NXPH1: variants seen among roughly 807,000 people sequenced by gnomAD.
NXPH1 encodes the protein neurexophilin-1.
Under a neutral mutation model 23.7 loss-of-function variants are expected in NXPH1, and 5 were observed. That is an observed-to-expected ratio of 0.21 (90% CI 0.11 to 0.44). The LOEUF (loss-of-function observed/expected upper bound fraction) is 0.44, where lower values mean the gene tolerates loss of function less well. NXPH1 is among the 20% of genes least tolerant of loss of function. The probability of loss-of-function intolerance (pLI) is 0.99; values close to 1 mark genes in which losing one functional copy is unlikely to be tolerated. For synonymous variants in NXPH1, 144 were observed against 122.2 expected, an observed-to-expected ratio of 1.18 and a Z score of -1.18; for missense variants, 324 against 321.6, an observed-to-expected ratio of 1.01 and a Z score of -0.06.
intron 2 of NXPH1, among the ~76,000 whole-genome samples, chr7:8,536,222 T>C (rs1194961803): frequency 6.6e-6 from 1 of 152,022 alleles, no homozygotes; most frequent in African/African-American, 2.4e-5. Context: ...TATCTCCTAG[T>C]TGGGGAATTG....
chr7:8,495,523 A>T (rs754392144), intron 2 of NXPH1, among the ~76,000 whole-genome samples: 32 of 152,038 alleles, frequency 2.1e-4, no homozygotes, highest in Non-Finnish European at 4.1e-4. Flanking sequence ...TTGACTTCAT[A>T]GAGAATATGA....
At chr7:8,662,083 A>T (rs1203554520) in intron 2 of NXPH1, among the ~76,000 whole-genome samples, 1 of 151,920 alleles carries the variant, frequency 6.6e-6, no homozygotes, top group Non-Finnish European at 1.5e-5. Flanking sequence ...GTTGCTCAGG[A>T]GCTTGAAAAT....
At chr7:8,736,120 C>A (rs1055250300) in intron 2 of NXPH1, among the ~76,000 whole-genome samples, 2 of 152,098 alleles carry the variant, frequency 1.3e-5, no homozygotes, top group African/African-American at 4.8e-5. Flanking sequence ...TTTTGTGTCT[C>A]TATCTCCTTC....
chr7:8,731,044 T>C (rs1267359337), intron 2 of NXPH1, among the ~76,000 whole-genome samples: 1 of 145,302 alleles, frequency 6.9e-6, no homozygotes, highest in Non-Finnish European at 1.5e-5. Flanking sequence ...TCTTTTCTTT[T>C]TATTGTTTTT....
intron 2 of NXPH1, among the ~76,000 whole-genome samples, chr7:8,726,285 T>A (rs868704651): frequency 6.6e-5 from 10 of 152,088 alleles, no homozygotes; most frequent in Admixed American, 2.0e-4. Flanking sequence ...TTTTCTTTTT[T>A]TTTTTTTACA....
At chr7:8,719,812 A>G (rs1246121484) in intron 2 of NXPH1, among the ~76,000 whole-genome samples, 1 of 152,214 alleles carries the variant, frequency 6.6e-6, no homozygotes, top group Non-Finnish European at 1.5e-5. Context: ...GATCAATATA[A>G]TTGTATTGAT....
chr7:8,463,445 ATATTAG>A (rs1366346659), intron 2 of NXPH1, among the ~76,000 whole-genome samples: 1 of 152,124 alleles, frequency 6.6e-6, no homozygotes, highest in Non-Finnish European at 1.5e-5. Flanking sequence ...ATGTGCAGTT[ATATTAG>A]TATTATAAAT....
intron 2 of NXPH1, among the ~76,000 whole-genome samples, chr7:8,540,363 G>T (rs557726058): frequency 6.6e-6 from 1 of 151,816 alleles, no homozygotes; most frequent in East Asian, 1.9e-4. Flanking sequence ...TTAATAAAAT[G>T]TGTGAAACGA....
chr7:8,563,148 C>T (rs1818476683), intron 2 of NXPH1, among the ~76,000 whole-genome samples: 1 of 151,708 alleles, frequency 6.6e-6, no homozygotes, highest in South Asian at 2.1e-4. Flanking sequence ...CAAAATGAAA[C>T]CAATTCTCTA....
chr7:8,595,531 G>A (rs1000593676), intron 2 of NXPH1, among the ~76,000 whole-genome samples: 2 of 151,998 alleles, frequency 1.3e-5, no homozygotes, highest in African/African-American at 4.8e-5. Flanking sequence ...CTTAAACATT[G>A]TAAGTATGAA....
chr7:8,504,439 T>A (rs888591781), intron 2 of NXPH1, among the ~76,000 whole-genome samples: 3 of 151,992 alleles, frequency 2.0e-5, no homozygotes, highest in Non-Finnish European at 4.4e-5. Flanking sequence ...TCAATTAGAT[T>A]TACTGAGCAG....
chr7:8,471,256 G>C (rs903900186), intron 2 of NXPH1, among the ~76,000 whole-genome samples: 1 of 152,066 alleles, frequency 6.6e-6, no homozygotes, highest in African/African-American at 2.4e-5. Flanking sequence ...CCAATGTGGC[G>C]GTACTCTACA....
intron 2 of NXPH1, among the ~76,000 whole-genome samples, chr7:8,477,921 A>T (rs981939769): frequency 6.6e-6 from 1 of 152,088 alleles, no homozygotes; most frequent in Non-Finnish European, 1.5e-5. Context: ...TCAGCTTTTA[A>T]ATCTGGGATT....
chr7:8,506,359 T>A (rs748449765), intron 2 of NXPH1, among the ~76,000 whole-genome samples: 1 of 152,134 alleles, frequency 6.6e-6, no homozygotes, highest in Non-Finnish European at 1.5e-5. Flanking sequence ...GGTCTTTCCA[T>A]GTCTTAGTCA....
chr7:8,702,525 G>C (rs190776794), intron 2 of NXPH1, among the ~76,000 whole-genome samples: 1 of 152,118 alleles, frequency 6.6e-6, no homozygotes, highest in African/African-American at 2.4e-5. Flanking sequence ...TTATATATGT[G>C]CCTTACATAG....
intron 2 of NXPH1, among the ~76,000 whole-genome samples, chr7:8,557,923 C>T: frequency 6.6e-6 from 1 of 151,740 alleles, no homozygotes; most frequent in African/African-American, 2.4e-5. Flanking sequence ...ATCAGTTCCT[C>T]CCAGTTTATC....
At chr7:8,495,198 T>C (rs958843224) in intron 2 of NXPH1, among the ~76,000 whole-genome samples, 3 of 151,904 alleles carry the variant, frequency 2.0e-5, no homozygotes, top group Admixed American at 2.0e-4. Flanking sequence ...GCCTGCCTAC[T>C]AGGATTGATG....
chr7:8,721,286 AAGTT>A lies in NXPH1; in HGVS notation c.55-29720_55-29717del, dbSNP rs547013081. On this transcript the variant is annotated intron_variant, in intron 2 of 2. Coordinates refer to ENST00000405863, the MANE Select transcript of NXPH1 (RefSeq NM_152745.3). ...TATGAGAGAGAGTAAGACAGCAATA[AAGTT>A]AATGTGATCAAATGAAACTAATTGG... Among the ~76,000 whole-genome samples, 798 of 152,290 alleles carry A rather than the reference AAGTT, an allele frequency of 5.2e-3. 22 individuals are homozygous for A. Among genetic ancestry groups the A allele is most frequent in the Non-Finnish European group, 1.8e-3 (124 of 68,010 alleles).
At chr7:8,735,487 C>A (rs563060455) in intron 2 of NXPH1, among the ~76,000 whole-genome samples, 1 of 152,038 alleles carries the variant, frequency 6.6e-6, no homozygotes, top group Non-Finnish European at 1.5e-5. Flanking sequence ...GGGATGAAGC[C>A]GACTTGATCA....
Sources: allele counts gnomAD v4.1 joint callset (sites outside exome capture counted in the v4.1 genomes callset), GRCh38; gene constraint gnomAD v4.1.1; transcripts MANE v1.5; gene names NCBI Gene and HGNC (gene_info 2026-07-23, HGNC 2026-07-21).